SLC9A9: variants seen among roughly 807,000 people sequenced by gnomAD.
SLC9A9 encodes sodium/hydrogen exchanger 9.
In SLC9A9, 62 loss-of-function variants were observed where a neutral mutation model predicts 77.8. The ratio of observed to expected loss-of-function variants is 0.80; its 90% confidence interval spans 0.65 to 0.98. The LOEUF is 0.98. Ranked by LOEUF, SLC9A9 falls within the 50% of genes least tolerant of loss-of-function variation. The probability of loss-of-function intolerance (pLI) is 0.00; values close to 1 mark genes in which losing one functional copy is unlikely to be tolerated. For missense variants in SLC9A9, 775 were observed against 774.9 expected (o/e 1.00, Z 0.00); for synonymous variants, 320 against 283.5 (o/e 1.13, Z -1.29).
chr3:143,366,994 T>C (rs1164364136), intron 13 of SLC9A9, among the ~76,000 whole-genome samples: 2 of 152,228 alleles, frequency 1.3e-5, no homozygotes, highest in Admixed American at 6.5e-5. Context: ...AATGTCCCCA[T>C]AGAAACTTTA....
chr3:143,839,213 A>G (rs1238519554), intron 1 of SLC9A9, among the ~76,000 whole-genome samples: 1 of 152,156 alleles, frequency 6.6e-6, no homozygotes, highest in African/African-American at 2.4e-5. Context: ...AAAAGTCACA[A>G]TTTATTGCTC....
intron 13 of SLC9A9, among the ~76,000 whole-genome samples, chr3:143,369,427 T>C (rs11717509): frequency 0.72 from 109,010 of 152,014 alleles, 39,947 homozygotes; most frequent in African/African-American, 0.87. Flanking sequence ...TAGTGTTCTG[T>C]AGCACTGTGG....
intron 9 of SLC9A9, among the ~76,000 whole-genome samples, chr3:143,500,904 T>G (rs1576538761): frequency 6.6e-6 from 1 of 150,454 alleles, no homozygotes; most frequent in African/African-American, 2.5e-5. Flanking sequence ...AATAAGAGTT[T>G]TATAATATTT....
rs976684272 is a variant in SLC9A9 at position 143,725,519 on chromosome 3, A to T, written c.534-32212T>A. On this transcript the variant is annotated intron_variant, in intron 4 of 15. Coordinates refer to ENST00000316549, the MANE Select transcript of SLC9A9 (RefSeq NM_173653.4). ...CAACAATGATAGACTGGATTAAGAA[A>T]ATGTGGCACATATACACCATGGAAT... is the stretch of plus-strand genomic sequence containing the variant. Among the ~76,000 whole-genome samples the T allele has an allele frequency of 1.1e-4, 17 of 151,246 alleles. No individual in the cohort carries two copies. The South Asian group carries it at 3.2e-3, about 28-fold the overall frequency.
At chr3:143,342,983 A>G (rs1195602233) in intron 14 of SLC9A9, among the ~76,000 whole-genome samples, 1 of 152,248 alleles carries the variant, frequency 6.6e-6, no homozygotes, top group Non-Finnish European at 1.5e-5. Context: ...TAATATAAAA[A>G]TGACTGTAAT....
chr3:143,827,429 C>T lies in SLC9A9; in HGVS notation c.378+4590G>A, dbSNP rs922383265. Among the ~76,000 whole-genome samples, 4 of 152,214 alleles carry T rather than the reference C, an allele frequency of 2.6e-5. No individual in the cohort carries two copies. The South Asian group carries it at 6.2e-4, about 24-fold the overall frequency. On this transcript the variant is annotated intron_variant, in intron 2 of 15. Transcript: ENST00000316549. The stretch of plus-strand genomic sequence containing the variant: ...GTGAAAATATTTTTTTTCTTTTCTA[C>T]ACTTTTATCTGTGTTGAGCATGAAC...
chr3:143,490,101 C>T (rs1380585578), intron 11 of SLC9A9, among the ~76,000 whole-genome samples: 1 of 152,094 alleles, frequency 6.6e-6, no homozygotes, highest in Non-Finnish European at 1.5e-5. Flanking sequence ...TACATTAAAA[C>T]ACAGTATGGC....
intron 12 of SLC9A9, among the ~76,000 whole-genome samples, chr3:143,466,546 C>T (rs927837673): frequency 1.2e-4 from 19 of 152,324 alleles, no homozygotes; most frequent in African/African-American, 4.1e-4. Context: ...TATAGCATCC[C>T]TCTGGCTAAG....
chr3:143,476,499 A>G (rs1323256493), intron 11 of SLC9A9, among the ~76,000 whole-genome samples: 2 of 152,258 alleles, frequency 1.3e-5, no homozygotes, highest in Non-Finnish European at 2.9e-5. Flanking sequence ...ACAAGCATAG[A>G]TGCCTCTGGC....
chr3:143,324,441 A>G (rs1391562847), intron 14 of SLC9A9, among the ~76,000 whole-genome samples: 1 of 152,162 alleles, frequency 6.6e-6, no homozygotes, highest in African/African-American at 2.4e-5. Context: ...TAATCTCTGG[A>G]AGCAGCGTGT....
chr3:143,834,571 C>CTTTTT (rs5853131), intron 1 of SLC9A9, among the ~76,000 whole-genome samples: 4 of 116,908 alleles, frequency 3.4e-5, no homozygotes, highest in Non-Finnish European at 6.7e-5. Context: ...GCGAGGCACT[C>CTTTTT]TTTTTTTTTT....
At chr3:143,379,621 G>A (rs2033257059) in intron 13 of SLC9A9, among the ~76,000 whole-genome samples, 1 of 152,234 alleles carries the variant, frequency 6.6e-6, no homozygotes, top group Non-Finnish European at 1.5e-5. Flanking sequence ...CATTTAGATA[G>A]TGCTGTATGT....
At chr3:143,305,472 T>C (rs1263765124) in intron 14 of SLC9A9, among the ~76,000 whole-genome samples, 1 of 152,194 alleles carries the variant, frequency 6.6e-6, no homozygotes, top group Non-Finnish European at 1.5e-5. Flanking sequence ...CAACTAGGAC[T>C]TGAGGATTTG....
chr3:143,642,234 T>C (rs73152843), intron 6 of SLC9A9, among the ~76,000 whole-genome samples: 4,702 of 152,356 alleles, frequency 0.031, 107 homozygotes, highest in Middle Eastern at 0.088. Context: ...GAGAAAACTA[T>C]TGCCATCCAA....
At chr3:143,549,979 G>A (rs937316627) in intron 9 of SLC9A9, among the ~76,000 whole-genome samples, 1 of 152,106 alleles carries the variant, frequency 6.6e-6, no homozygotes, top group African/African-American at 2.4e-5. Flanking sequence ...TTTTTGTTTG[G>A]GGGGCTTTTT....
chr3:143,606,704 G>T (rs1341925347), intron 6 of SLC9A9, among the ~76,000 whole-genome samples: 7 of 151,668 alleles, frequency 4.6e-5, no homozygotes, highest in Non-Finnish European at 8.8e-5. Flanking sequence ...TGAAAACTCA[G>T]TTGGCACAGC....
chr3:143,304,325 A>G (rs1242239730), intron 14 of SLC9A9, among the ~76,000 whole-genome samples: 1 of 152,248 alleles, frequency 6.6e-6, no homozygotes. Flanking sequence ...CATCCAAGAA[A>G]CACCCACGTT....
At chr3:143,480,387 T>C (rs894913725) in intron 11 of SLC9A9, among the ~76,000 whole-genome samples, 1 of 152,226 alleles carries the variant, frequency 6.6e-6, no homozygotes, top group Non-Finnish European at 1.5e-5. Flanking sequence ...TTTCTCAGCA[T>C]TGGAGACTGT....
intron 12 of SLC9A9, among the ~76,000 whole-genome samples, chr3:143,415,696 G>A (rs2034179783): frequency 6.6e-6 from 1 of 152,186 alleles, no homozygotes; most frequent in South Asian, 2.1e-4. Context: ...TGATGTTTTT[G>A]TGGCTAATAC....
Sources: allele counts gnomAD v4.1 joint callset (sites outside exome capture counted in the v4.1 genomes callset), GRCh38; gene constraint gnomAD v4.1.1; transcripts MANE v1.5; gene names NCBI Gene and HGNC (gene_info 2026-07-23, HGNC 2026-07-21).